Variants in CCAR1 observed in about 807,000 individuals in gnomAD.
The protein encoded by CCAR1 is cell division cycle and apoptosis regulator 1.
Under a neutral mutation model 163.8 loss-of-function variants are expected in CCAR1, and 78 were observed. That is an observed-to-expected ratio of 0.48 (90% confidence interval 0.40 to 0.57). The LOEUF is 0.57. Ranked by LOEUF, CCAR1 falls within the 20% of genes least tolerant of loss-of-function variation. The pLI is 0.00. For synonymous variants in CCAR1, 443 were observed against 460.7 expected, an observed-to-expected ratio of 0.96 and a Z score of 0.49; for missense variants, 1,019 against 1,365.2, an observed-to-expected ratio of 0.75 and a Z score of 4.00.
At position 68,788,183 on chromosome 10, in the gene CCAR1, A is replaced by T; in HGVS notation, c.3042A>T (p.Glu1014Asp). The T allele has an allele frequency of 1.3e-6, 2 of 1,592,872 alleles. No individual in the cohort carries two copies. The highest frequency in any genetic ancestry group is 1.7e-6 in the Non-Finnish European group (2 of 1,172,750). Reference protein sequence around the residue: ...LLLPTPTVKQESKDVEENVGL... With the variant: ...LLLPTPTVKQDSKDVEENVGL... ...TTCCAACACCAACAGTAAAGCAGGAATCAAAGGATGTGGAAGAAAATGTTG... is the reference window on the plus strand; with the variant it reads ...TTCCAACACCAACAGTAAAGCAGGATTCAAAGGATGTGGAAGAAAATGTTG... Residue 1014 changes from glutamate to aspartate, a missense_variant, in exon 23 of 25, where the codon GAA (glutamate) becomes GAT (aspartate). Coordinates refer to ENST00000265872, the MANE Select transcript of CCAR1 (RefSeq NM_018237.4).
chr10:68,753,602 C>T (rs139761957), intron 10 of CCAR1, among the ~76,000 whole-genome samples: 7 of 152,164 alleles, frequency 4.6e-5, no homozygotes, highest in African/African-American at 9.6e-5. Context: ...TATTTCAAAG[C>T]GTCTTCTGTA....
intron 15 of CCAR1, among the ~76,000 whole-genome samples, chr10:68,759,568 A>T (rs2056442464): frequency 6.6e-6 from 1 of 151,812 alleles, no homozygotes; most frequent in Non-Finnish European, 1.5e-5. Context: ...TACCAAAAAA[A>T]AAAAAATTAG....
intron 16 of CCAR1, among the ~76,000 whole-genome samples, chr10:68,763,382 C>T (rs2056498475): frequency 6.6e-6 from 1 of 151,930 alleles, no homozygotes. Flanking sequence ...ATCTCTTGAC[C>T]TCGTGATCCA....
intron 4 of CCAR1, among the ~76,000 whole-genome samples, chr10:68,740,104 G>T (rs1001229901): frequency 8.5e-5 from 13 of 152,154 alleles, no homozygotes; most frequent in African/African-American, 2.7e-4. Context: ...TTGATGACCA[G>T]TGATATTTTT....
intron 2 of CCAR1, among the ~76,000 whole-genome samples, chr10:68,735,385 T>TC (rs1025678031): frequency 2.0e-5 from 3 of 149,838 alleles, no homozygotes; most frequent in Non-Finnish European, 3.0e-5. Context: ...TTTTTTTTTT[T>TC]TTTTTTCCAA....
chr10:68,783,222 C>T (rs1265505125), intron 19 of CCAR1, among the ~76,000 whole-genome samples: 2 of 151,626 alleles, frequency 1.3e-5, no homozygotes, highest in African/African-American at 4.8e-5. Flanking sequence ...CGGAGTCTTG[C>T]TCTGTTGCCC....
intron 24 of CCAR1, 42 bp downstream of exon 24, chr10:68,789,957 A>G: frequency 7.9e-7 from 1 of 1,265,108 alleles, no homozygotes; most frequent in Admixed American, 2.4e-5. Flanking sequence ...AGTTTTAAAA[A>G]TCTAACTCTG....
intron 10 of CCAR1, among the ~76,000 whole-genome samples, chr10:68,750,207 CTTTTTTCTTTTTTTT>C (rs1304112798): frequency 1.7e-5 from 2 of 116,558 alleles, no homozygotes; most frequent in African/African-American, 6.1e-5. Flanking sequence ...TTTCTTTTTT[CTTTTTTCTTTTTTTT>C]TTTTTTTTTT....
At chr10:68,769,519 C>G (rs143882430) in intron 17 of CCAR1, among the ~76,000 whole-genome samples, 1,733 of 152,200 alleles carry the variant, frequency 0.011, 38 homozygotes, top group African/African-American at 0.039. Flanking sequence ...ACTCGGGAGG[C>G]TGAGGCAGGA....
At chr10:68,724,281 T>C (rs2055907911) in intron 2 of CCAR1, among the ~76,000 whole-genome samples, 1 of 152,024 alleles carries the variant, frequency 6.6e-6, no homozygotes, top group Admixed American at 6.6e-5. Flanking sequence ...CTGGCTGACA[T>C]GGTGAAATCC....
rs753692038 is a variant in CCAR1 at position 68,728,680 on chromosome 10, C to T, written c.73+6103C>T. On this transcript the variant is annotated intron_variant, in intron 2 of 24. Coordinates refer to ENST00000265872, the MANE Select transcript of CCAR1 (RefSeq NM_018237.4). ...ATAGAATAGCACTGTCCAGGCTGGG[C>T]GCGAGTGGCTCTCGCCTGTAATCCC... Among the ~76,000 whole-genome samples, 3 of 152,104 alleles carry T rather than the reference C, an allele frequency of 2.0e-5. No individual in the cohort carries two copies. The South Asian group carries it at 6.2e-4, about 32-fold the overall frequency.
intron 15 of CCAR1, among the ~76,000 whole-genome samples, chr10:68,760,029 G>T (rs1328797213): frequency 2.6e-5 from 4 of 151,760 alleles, no homozygotes; most frequent in Non-Finnish European, 5.9e-5. Flanking sequence ...ATGGGGTTTT[G>T]CTATGTTCCC....
chr10:68,786,355 C>A, intron 20 of CCAR1, 137 bp downstream of exon 20: 1 of 759,248 alleles, frequency 1.3e-6, no homozygotes, highest in Non-Finnish European at 2.1e-6. Flanking sequence ...TTTTTTGTGG[C>A]TATGTCAGAT....
Position 68,756,461 on chromosome 10 carries a change from G to T in CCAR1, c.1814G>T (p.Arg605Leu), listed in dbSNP as rs760389164. The change falls in exon 14 of 25, where the codon CGC becomes CTC. Residue 605 changes from arginine to leucine, a missense_variant. Coordinates refer to ENST00000265872, the MANE Select transcript of CCAR1 (RefSeq NM_018237.4). The surrounding 1 kb of genome is among the most constrained non-coding windows in gnomAD (Gnocchi z 5.1). ...QQLVEKLQGE[R>L]KEADGEQDEE... The stretch of plus-strand genomic sequence containing the variant: ...CTGGTCGAGAAGCTTCAGGGTGAAC[G>T]CAAGGAGGCTGATGGAGAACAGGCA... 3 of 1,611,612 alleles carry T rather than the reference G, an allele frequency of 1.9e-6. No individual in the cohort carries two copies. The highest frequency in any genetic ancestry group is 1.1e-5 in the South Asian group (1 of 90,814).
chr10:68,744,225 G>T (rs1564534446), intron 6 of CCAR1, among the ~76,000 whole-genome samples: 1 of 152,202 alleles, frequency 6.6e-6, no homozygotes, highest in South Asian at 2.1e-4. Flanking sequence ...AAGAAAGGCG[G>T]TTCTAACAAT....
chr10:68,769,305 G>A (rs2056572162), intron 17 of CCAR1, among the ~76,000 whole-genome samples: 3 of 152,158 alleles, frequency 2.0e-5, no homozygotes, highest in Non-Finnish European at 4.4e-5. Context: ...TCTGTTGAAA[G>A]CAATGGACTT....
At chr10:68,736,417 A>G (rs1013045363) in intron 2 of CCAR1, among the ~76,000 whole-genome samples, 6 of 152,136 alleles carry the variant, frequency 3.9e-5, no homozygotes, top group Non-Finnish European at 8.8e-5. Flanking sequence ...ACTGTAGTCA[A>G]CGTGATGTAC....
intron 8 of CCAR1, among the ~76,000 whole-genome samples, chr10:68,748,347 C>A (rs1271677456): frequency 6.6e-6 from 1 of 151,874 alleles, no homozygotes; most frequent in Non-Finnish European, 1.5e-5. Context: ...TTGCAGTTAG[C>A]CCAGATCACG....
intron 15 of CCAR1, among the ~76,000 whole-genome samples, chr10:68,759,075 A>G (rs1436707165): frequency 1.3e-5 from 2 of 152,112 alleles, no homozygotes; most frequent in Middle Eastern, 3.4e-3. Context: ...AGTTACGATC[A>G]CTTCAACCCA....
Sources: gnomAD v4.1 joint callset for allele counts (sites outside exome capture counted in the v4.1 genomes callset) on GRCh38, gnomAD v4.1.1 for gene constraint, Gnocchi (gnomAD v3.1) non-coding constraint, MANE v1.5 for transcripts, NCBI Gene and HGNC (gene_info 2026-07-23, HGNC 2026-07-21) for gene names.